Variants in IRAK1BP1 observed in about 807,000 individuals in gnomAD.
IRAK1BP1 encodes interleukin 1 receptor associated kinase 1 binding protein 1, also known as interleukin-1 receptor-associated kinase 1-binding protein 1.
Under a neutral mutation model 28.0 loss-of-function variants are expected in IRAK1BP1, and 24 were observed. The observed-to-expected ratio is 0.86, with a 90% CI of 0.62 to 1.20. The LOEUF is 1.20. Ranked by LOEUF, IRAK1BP1 falls within the 50% of genes most tolerant of loss-of-function variation. The pLI, the probability that IRAK1BP1 is intolerant of heterozygous loss-of-function variation, is 0.00. For synonymous variants in IRAK1BP1, 131 were observed against 116.3 expected, an observed-to-expected ratio of 1.13 and a Z score of -0.81; for missense variants, 336 against 316.7, an observed-to-expected ratio of 1.06 and a Z score of -0.46.
chr6:78,868,798 T>G (rs1394950070), intron 1 of IRAK1BP1, among the ~76,000 whole-genome samples: 1 of 152,164 alleles, frequency 6.6e-6, no homozygotes, highest in Admixed American at 6.5e-5. Flanking sequence ...TGAAAGAAAA[T>G]TAGAAATCAT....
the IRAK1BP1 span, among the ~76,000 whole-genome samples, chr6:78,967,508 T>A: frequency 6.6e-6 from 1 of 152,204 alleles, no homozygotes. Context: ...AAGTCCACCA[T>A]TGAGAGTAAG....
intron 4 of IRAK1BP1, chr6:78,938,758 C>T (rs1421340385): frequency 2.0e-5 from 3 of 151,534 alleles, no homozygotes; most frequent in African/African-American, 7.3e-5. Flanking sequence ...AAAATCTCAG[C>T]AATGCAGTCA....
intron 4 of IRAK1BP1, among the ~76,000 whole-genome samples, chr6:78,924,797 A>C (rs1365717106): frequency 6.6e-6 from 1 of 152,248 alleles, no homozygotes; most frequent in Non-Finnish European, 1.5e-5. Context: ...CCAGCATATA[A>C]ACAGAACCAA....
intron 4 of IRAK1BP1, among the ~76,000 whole-genome samples, chr6:78,928,746 A>C (rs1455309555): frequency 6.6e-6 from 1 of 152,186 alleles, no homozygotes; most frequent in Non-Finnish European, 1.5e-5. Context: ...AATTTCATCA[A>C]ATGCTTTTTC....
intron 4 of IRAK1BP1, among the ~76,000 whole-genome samples, chr6:78,925,863 TAAAG>T (rs1050957561): frequency 3.2e-4 from 48 of 152,254 alleles, no homozygotes; most frequent in African/African-American, 1.1e-3. Context: ...GCAGCCATAA[TAAAG>T]AACAAAATTA....
At chr6:78,945,452 G>C (rs1773756507) in exon 5 of IRAK1BP1, 1 of 1,610,910 alleles carries the variant, frequency 6.2e-7, no homozygotes, top group Non-Finnish European at 8.5e-7. Context: ...ACCAGGACTG[G>C]AAAGAGTATT....
At chr6:78,945,659 A>G in exon 5 of IRAK1BP1, 1 of 635,178 alleles carries the variant, frequency 1.6e-6, no homozygotes, top group Non-Finnish European at 2.8e-6. Flanking sequence ...GGCGTATCCA[A>G]CTAGAAACTC....
chr6:78,955,868 C>G, the IRAK1BP1 span: 1 of 341,246 alleles, frequency 2.9e-6, no homozygotes. Context: ...CTATGTAGAG[C>G]TTTCAGTGTG....
intron 2 of IRAK1BP1, among the ~76,000 whole-genome samples, chr6:78,885,995 A>G (rs1289970593): frequency 6.6e-6 from 1 of 152,186 alleles, no homozygotes; most frequent in Non-Finnish European, 1.5e-5. Context: ...GTGAAATCAG[A>G]GTATGTTCTA....
chr6:78,968,203 C>T, the IRAK1BP1 span, among the ~76,000 whole-genome samples: 8 of 152,126 alleles, frequency 5.3e-5, no homozygotes, highest in Non-Finnish European at 1.2e-4. Context: ...ATCAGATGTA[C>T]CAAAGGCTGA....
intron 1 of IRAK1BP1, among the ~76,000 whole-genome samples, chr6:78,876,946 T>G (rs761378181): frequency 6.6e-6 from 1 of 152,138 alleles, no homozygotes; most frequent in South Asian, 2.1e-4. Context: ...CAGAAACGTA[T>G]CTATAGTGAA....
At chr6:78,903,147 C>G (rs1177142293), downstream of IRAK1BP1, 2 of 1,113,230 alleles carry the variant, frequency 1.8e-6, no homozygotes, top group Non-Finnish European at 2.6e-6. Context: ...AAAAAGAAGA[C>G]TAAGAAAAAG....
At chr6:78,976,410 A>G in the IRAK1BP1 span, among the ~76,000 whole-genome samples, 8 of 113,176 alleles carry the variant, frequency 7.1e-5, no homozygotes, top group South Asian at 3.6e-4. Context: ...TAGACCTAAA[A>G]CCATAAAAAC....
At chr6:78,939,707 AGATCAAC>A (rs1770652955) in intron 4 of IRAK1BP1, 1 of 152,014 alleles carries the variant, frequency 6.6e-6, no homozygotes, top group African/African-American at 2.4e-5. Context: ...ACATTAATCC[AGATCAAC>A]AAGTAAACAT....
intron 4 of IRAK1BP1, among the ~76,000 whole-genome samples, chr6:78,925,302 C>A (rs1431733272): frequency 6.6e-6 from 1 of 151,830 alleles, no homozygotes. Flanking sequence ...GACATGTACC[C>A]TAAAACTTAA....
chr6:78,868,601 A>G (rs1261894039), intron 1 of IRAK1BP1, among the ~76,000 whole-genome samples: 1 of 152,210 alleles, frequency 6.6e-6, no homozygotes, highest in African/African-American at 2.4e-5. Flanking sequence ...CCTACTCCTA[A>G]GGCAAGAAAA....
At chr6:78,954,388 G>A in the IRAK1BP1 span, among the ~76,000 whole-genome samples, 6 of 152,066 alleles carry the variant, frequency 3.9e-5, no homozygotes, top group Admixed American at 1.3e-4. Flanking sequence ...TTACTGGCAT[G>A]AGCCACCGTG....
chr6:78,974,365 G>T, the IRAK1BP1 span, among the ~76,000 whole-genome samples: 1 of 151,552 alleles, frequency 6.6e-6, no homozygotes, highest in Non-Finnish European at 1.5e-5. Flanking sequence ...TCTCTGGGAC[G>T]CATTCAAAGC....
At chr6:78,886,811 T>C (rs1335441615) in intron 2 of IRAK1BP1, among the ~76,000 whole-genome samples, 1 of 152,216 alleles carries the variant, frequency 6.6e-6, no homozygotes, top group Non-Finnish European at 1.5e-5. Flanking sequence ...TTTTAAAACA[T>C]GACTAAATGA....
Sources: gnomAD v4.1 joint callset for allele counts (sites outside exome capture counted in the v4.1 genomes callset) on GRCh38, gnomAD v4.1.1 for gene constraint, MANE v1.5 for transcripts, NCBI Gene and HGNC (gene_info 2026-07-23, HGNC 2026-07-21) for gene names.